The following ARHGAP15 variants were observed in gnomAD, a reference collection of about 807,000 sequenced individuals.
ARHGAP15 encodes the protein rho GTPase-activating protein 15.
ARHGAP15 carries 51 observed loss-of-function variants against 63.7 expected under a neutral mutation model. The observed-to-expected ratio is 0.80, with a 90% confidence interval of 0.64 to 1.01. ARHGAP15 has a LOEUF of 1.01. Ranked by LOEUF, ARHGAP15 falls within the 50% of genes least tolerant of loss-of-function variation. The pLI is 0.00. For synonymous variants in ARHGAP15, 191 were observed against 193.8 expected (o/e 0.99, Z 0.12); for missense variants, 560 against 564.6 (o/e 0.99, Z 0.08).
intron 13 of ARHGAP15, among the ~76,000 whole-genome samples, chr2:143,760,922 G>C (rs1168469853): frequency 1.3e-5 from 2 of 151,956 alleles, no homozygotes; most frequent in African/African-American, 4.8e-5. Flanking sequence ...ATAAAAAATG[G>C]CTGAATTATC....
intron 6 of ARHGAP15, among the ~76,000 whole-genome samples, chr2:143,252,708 G>T (rs893912723): frequency 1.3e-5 from 2 of 151,794 alleles, no homozygotes; most frequent in Non-Finnish European, 2.9e-5. Context: ...CATGAGTTTT[G>T]GTAAAACTGA....
At chr2:143,343,561 G>T (rs1462321398) in intron 6 of ARHGAP15, among the ~76,000 whole-genome samples, 1 of 152,114 alleles carries the variant, frequency 6.6e-6, no homozygotes, top group African/African-American at 2.4e-5. Context: ...AGATCACTGT[G>T]TTGGCAGTGT....
intron 6 of ARHGAP15, among the ~76,000 whole-genome samples, chr2:143,429,386 T>C (rs1228644648): frequency 6.6e-6 from 1 of 152,132 alleles, no homozygotes; most frequent in African/African-American, 2.4e-5. Flanking sequence ...ACAAAATTAT[T>C]TGGGTGTCAA....
intron 6 of ARHGAP15, among the ~76,000 whole-genome samples, chr2:143,309,154 C>T (rs1424709247): frequency 6.6e-6 from 1 of 151,968 alleles, no homozygotes; most frequent in African/African-American, 2.4e-5. Flanking sequence ...GCTAATGAGG[C>T]CTATTCTTGT....
chr2:143,612,266 C>G (rs1161058808), intron 11 of ARHGAP15, among the ~76,000 whole-genome samples: 6 of 152,198 alleles, frequency 3.9e-5, no homozygotes. Context: ...TTTGCTAGAA[C>G]AGTGGTCCTC....
At chr2:143,370,404 C>T (rs1212140157) in intron 6 of ARHGAP15, among the ~76,000 whole-genome samples, 3 of 151,908 alleles carry the variant, frequency 2.0e-5, no homozygotes, top group Non-Finnish European at 4.4e-5. Context: ...TGCTAGATGA[C>T]GAGTTAGTGG....
At position 143,306,308 on chromosome 2, in the gene ARHGAP15, AG is replaced by A. The variant is rs1683168442; in HGVS notation, c.474+55713del. ...CTACAGTGTTCGGATTTGTAGAGAT[AG>A]GGGGAGACGACTGCCTGCTTAGAGG... On this transcript the variant is annotated intron_variant, in intron 6 of 13. Transcript: ENST00000295095. Among the ~76,000 whole-genome samples the A allele has an allele frequency of 2.0e-5, 3 of 152,114 alleles. No individual in the cohort carries two copies. The South Asian group carries it at 6.2e-4, about 31-fold the overall frequency.
chr2:143,146,078 G>A (rs768406963), intron 1 of ARHGAP15, among the ~76,000 whole-genome samples: 1 of 151,536 alleles, frequency 6.6e-6, no homozygotes, highest in South Asian at 2.1e-4. Context: ...GGCAATAAAA[G>A]CACTAATCGT....
chr2:143,745,924 TTC>T lies in ARHGAP15; in HGVS notation c.1245-22063_1245-22062del, dbSNP rs1468112180. ...GAAGCCAGAAGAGAAAAATCAGGCT[TTC>T]TGTTTCCTTGTTCAAGTTGATCTTT... is the stretch of plus-strand genomic sequence containing the variant. On this transcript the variant is annotated intron_variant, in intron 13 of 13. Transcript: ENST00000295095. 2.0e-5 allele frequency among the ~76,000 whole-genome samples: 3 copies of T among 151,560 alleles called. No homozygotes were observed. In the East Asian group the frequency reaches 5.8e-4, roughly 29 times the overall value.
At position 143,742,895 on chromosome 2, in the gene ARHGAP15, GACTTTTCTC is replaced by G. The variant is rs1173757624; in HGVS notation, c.1245-25090_1245-25082del. On this transcript the variant is annotated intron_variant, in intron 13 of 13. Coordinates refer to ENST00000295095, the MANE Select transcript of ARHGAP15 (RefSeq NM_018460.4). Reference sequence around the variant, plus strand: ...ACGACTGCTCATATTCTCCTTCACAGACTTTTCTCACTGCCAGCTGTCTTTATTCTCCTG... The same window carrying G: ...ACGACTGCTCATATTCTCCTTCACAGACTGCCAGCTGTCTTTATTCTCCTG... Among the ~76,000 whole-genome samples, 10 of 152,314 alleles carry G rather than the reference GACTTTTCTC, an allele frequency of 6.6e-5. No individual in the cohort carries two copies. The East Asian group carries it at 1.9e-3, about 29-fold the overall frequency.
chr2:143,364,148 C>T (rs1480561775), intron 6 of ARHGAP15, among the ~76,000 whole-genome samples: 4 of 151,454 alleles, frequency 2.6e-5, no homozygotes, highest in East Asian at 1.9e-4. Flanking sequence ...TTTTCCCCAT[C>T]GCAATAAGCC....
intron 6 of ARHGAP15, among the ~76,000 whole-genome samples, chr2:143,431,538 T>C (rs773429920): frequency 2.6e-5 from 4 of 152,080 alleles, no homozygotes; most frequent in Non-Finnish European, 5.9e-5. Flanking sequence ...TAACGTATCA[T>C]GACCACCAGT....
intron 8 of ARHGAP15, among the ~76,000 whole-genome samples, chr2:143,450,739 G>A (rs1014306986): frequency 5.3e-5 from 8 of 151,910 alleles, no homozygotes; most frequent in African/African-American, 1.9e-4. Context: ...GAAAATTAGA[G>A]GAGAAATGCA....
chr2:143,566,378 G>T (rs778135768), intron 11 of ARHGAP15, among the ~76,000 whole-genome samples: 1 of 152,106 alleles, frequency 6.6e-6, no homozygotes, highest in Non-Finnish European at 1.5e-5. Flanking sequence ...GATGCTTAAA[G>T]AGCTCCCACT....
intron 6 of ARHGAP15, among the ~76,000 whole-genome samples, chr2:143,379,367 G>A (rs1012778942): frequency 1.3e-5 from 2 of 151,824 alleles, no homozygotes; most frequent in African/African-American, 4.8e-5. Context: ...ATGTGTGTGT[G>A]TATACATTTG....
At chr2:143,364,052 A>T (rs1174214490) in intron 6 of ARHGAP15, among the ~76,000 whole-genome samples, 3 of 152,202 alleles carry the variant, frequency 2.0e-5, no homozygotes, top group African/African-American at 7.2e-5. Context: ...TAACAAAGAC[A>T]CCAATTTCTA....
intron 6 of ARHGAP15, among the ~76,000 whole-genome samples, chr2:143,319,088 C>T (rs957195232): frequency 1.3e-5 from 2 of 152,070 alleles, no homozygotes; most frequent in Non-Finnish European, 2.9e-5. Flanking sequence ...CATCTGTCTC[C>T]TATCTCCTAG....
chr2:143,290,625 C>T (rs551830238), intron 6 of ARHGAP15, among the ~76,000 whole-genome samples: 109 of 152,088 alleles, frequency 7.2e-4, no homozygotes, highest in African/African-American at 2.4e-3. Context: ...TCAAATGCAC[C>T]TGAGAATTGT....
intron 9 of ARHGAP15, among the ~76,000 whole-genome samples, chr2:143,515,325 A>G (rs1334603998): frequency 1.3e-5 from 2 of 152,186 alleles, no homozygotes; most frequent in Non-Finnish European, 2.9e-5. Context: ...TGCAGATAAT[A>G]GAATACCTAG....
Sources: gnomAD v4.1 joint callset for allele counts (sites outside exome capture counted in the v4.1 genomes callset) on GRCh38, gnomAD v4.1.1 for gene constraint, MANE v1.5 for transcripts, NCBI Gene and HGNC (gene_info 2026-07-23, HGNC 2026-07-21) for gene names.